CHODL: variants seen among roughly 807,000 people sequenced by gnomAD.
The protein encoded by CHODL is chondrolectin.
In CHODL, 29 loss-of-function variants were observed where a neutral mutation model predicts 34.5. The ratio of observed to expected loss-of-function variants is 0.84; its 90% CI spans 0.63 to 1.15. The LOEUF is 1.15. Among genes scored for constraint, CHODL ranks in the 50% most tolerant of loss-of-function variants. The pLI is 0.00. For synonymous variants in CHODL, 125 were observed against 116.1 expected (o/e 1.08, Z -0.49); for missense variants, 332 against 332.5 (o/e 1.00, Z 0.01).
chr21:17,947,620 TACAG>T (rs1466328130), intron 1 of CHODL, among the ~76,000 whole-genome samples: 9 of 151,510 alleles, frequency 5.9e-5, no homozygotes, highest in Admixed American at 1.3e-4. Context: ...AAAGAAGACA[TACAG>T]ACGGCCAAAA....
intron 1 of CHODL, among the ~76,000 whole-genome samples, chr21:18,010,297 C>CAAAAAAAAAAAAAA (rs71189576): frequency 7.7e-5 from 3 of 38,788 alleles, no homozygotes; most frequent in African/African-American, 3.0e-4. Context: ...ACTCCCGTCT[C>CAAAAAAAAAAAAAA]AAAAAAAAAA....
chr21:18,069,731 A>T (rs1259066005), intron 2 of CHODL, among the ~76,000 whole-genome samples: 2 of 152,092 alleles, frequency 1.3e-5, no homozygotes, highest in Non-Finnish European at 2.9e-5. Context: ...GACTACTAAA[A>T]TTTACAACTA....
rs865805921 is a variant in CHODL, at chr21:18,028,273, T to C, written c.-45+302T>C. ...TTTTCCTTTTCTTTTTCTTTTTCCT[T>C]TTCCCCTTCCTTCCTTCCTTCCTTC... On this transcript the variant is annotated intron_variant, in intron 2 of 6. Coordinates refer to the CHODL transcript ENST00000400127. Among the ~76,000 whole-genome samples, 43 of 67,626 alleles carry C rather than the reference T, an allele frequency of 6.4e-4. 2 individuals are homozygous for C. The highest frequency in any genetic ancestry group is 2.1e-3 in the African/African-American group (37 of 17,346). 44.4% of individuals were successfully genotyped at this position (67,626 alleles called of 152,430 possible).
At chr21:18,140,638 G>C (rs2072789396) in intron 2 of CHODL, among the ~76,000 whole-genome samples, 2 of 152,142 alleles carry the variant, frequency 1.3e-5, no homozygotes, top group Admixed American at 1.3e-4. Flanking sequence ...AAAAAATAGA[G>C]CCAGAAAATG....
At chr21:18,121,635 A>G (rs575448782) in intron 2 of CHODL, among the ~76,000 whole-genome samples, 1 of 152,336 alleles carries the variant, frequency 6.6e-6, no homozygotes, top group South Asian at 2.1e-4. Context: ...TACTTTTATC[A>G]TAATCACTTA....
At chr21:18,173,320 A>T (rs2073254258) in intron 2 of CHODL, among the ~76,000 whole-genome samples, 1 of 152,174 alleles carries the variant, frequency 6.6e-6, no homozygotes, top group Non-Finnish European at 1.5e-5. Context: ...TCCCATACAT[A>T]CTCATGAAGA....
chr21:18,059,954 C>G (rs1199849612), intron 2 of CHODL, among the ~76,000 whole-genome samples: 8 of 152,240 alleles, frequency 5.3e-5, no homozygotes, highest in Middle Eastern at 3.4e-3. Context: ...TTCTTCACCC[C>G]ACATTCCGTT....
chr21:18,009,887 C>CAAAAAAAAAAAA (rs71189575), intron 1 of CHODL, among the ~76,000 whole-genome samples: 5 of 94,778 alleles, frequency 5.3e-5, no homozygotes, highest in Admixed American at 1.1e-4. Flanking sequence ...GACTCCGTCT[C>CAAAAAAAAAAAA]AAAAAAAAAA....
At chr21:18,109,123 A>T (rs2065315576) in intron 2 of CHODL, among the ~76,000 whole-genome samples, 1 of 152,164 alleles carries the variant, frequency 6.6e-6, no homozygotes, top group Non-Finnish European at 1.5e-5. Flanking sequence ...AGCCTTAACA[A>T]TTTAAATAAA....
At chr21:18,159,798 T>C (rs979858831) in intron 2 of CHODL, among the ~76,000 whole-genome samples, 1 of 151,954 alleles carries the variant, frequency 6.6e-6, no homozygotes, top group Non-Finnish European at 1.5e-5. Context: ...GAGAATCAGA[T>C]AGATGGCAGC....
intron 2 of CHODL, among the ~76,000 whole-genome samples, chr21:18,086,760 TCGGCCCC>T (rs2065012413): frequency 6.6e-6 from 1 of 152,220 alleles, no homozygotes; most frequent in Non-Finnish European, 1.5e-5. Flanking sequence ...TGTCTGTTTT[TCGGCCCC>T]AGAGCAGCAA....
At chr21:18,138,543 A>G (rs776994972) in intron 2 of CHODL, among the ~76,000 whole-genome samples, 16 of 152,072 alleles carry the variant, frequency 1.1e-4, no homozygotes, top group Non-Finnish European at 2.2e-4. Context: ...AATTTTATTG[A>G]TTTTGCAAGT....
rs140180239 is a variant in CHODL at position 18,036,683 on chromosome 21, A to C, written c.-45+8712A>C. 6.5e-3 allele frequency among the ~76,000 whole-genome samples: 989 copies of C among 152,136 alleles called. 13 individuals are homozygous for C. The highest frequency in any genetic ancestry group is 0.022 in the African/African-American group (924 of 41,550). The stretch of plus-strand genomic sequence containing the variant: ...ATTATCATGAAGAAAAATTTAAGGC[A>C]GTATTGGAAAGCTTTTCTAATTTTT... On this transcript the variant is annotated intron_variant, in intron 2 of 6. Transcript: ENST00000400127.
chr21:18,061,132 C>T (rs578091361), intron 2 of CHODL, among the ~76,000 whole-genome samples: 1 of 152,228 alleles, frequency 6.6e-6, no homozygotes, highest in South Asian at 2.1e-4. Flanking sequence ...ACTAAATTGG[C>T]AAAGGAAGCT....
At chr21:17,957,380 G>A (rs747338958) in intron 1 of CHODL, among the ~76,000 whole-genome samples, 2 of 152,118 alleles carry the variant, frequency 1.3e-5, no homozygotes, top group Non-Finnish European at 2.9e-5. Context: ...TCAAGATAGA[G>A]TTTAAACTTC....
chr21:17,992,733 TTTTTTTTTTTC>T lies in CHODL; in HGVS notation c.-144-35138_-144-35128del, dbSNP rs1334904905. Among the ~76,000 whole-genome samples, 66 of 145,092 alleles carry T rather than the reference TTTTTTTTTTTC, an allele frequency of 4.5e-4. 1 individual carries two copies. In the East Asian group the frequency reaches 5.2e-3, roughly 11 times the overall value. On this transcript the variant is annotated intron_variant, in intron 1 of 6. Coordinates refer to the CHODL transcript ENST00000400127. ...TGGTGGAGTTGTTTTTTTTTTTTTT[TTTTTTTTTTTC>T]CAGACAGAGTTTCACTTCTGTTGCT...
At chr21:18,031,185 A>G (rs886416831) in intron 2 of CHODL, among the ~76,000 whole-genome samples, 1 of 152,146 alleles carries the variant, frequency 6.6e-6, no homozygotes, top group African/African-American at 2.4e-5. Context: ...TGCCAACTCC[A>G]CTGAACTTCT....
intron 2 of CHODL, among the ~76,000 whole-genome samples, chr21:18,077,319 C>T (rs901873111): frequency 6.6e-6 from 1 of 152,130 alleles, no homozygotes. Context: ...GCAAATCATA[C>T]CTTAAGTCTC....
chr21:18,147,586 T>C (rs1050136875), intron 2 of CHODL, among the ~76,000 whole-genome samples: 2 of 152,256 alleles, frequency 1.3e-5, no homozygotes, highest in African/African-American at 2.4e-5. Flanking sequence ...TTGTGGAAGA[T>C]AATGTTGATT....
Sources: gnomAD v4.1 joint callset for allele counts (sites outside exome capture counted in the v4.1 genomes callset) on GRCh38, gnomAD v4.1.1 for gene constraint, MANE v1.5 for transcripts, NCBI Gene and HGNC (gene_info 2026-07-23, HGNC 2026-07-21) for gene names.